The following USP35 variants were observed in gnomAD, a reference collection of about 807,000 sequenced individuals.
USP35 encodes ubiquitin specific peptidase 35.
Under a neutral mutation model 83.8 loss-of-function variants are expected in USP35, and 69 were observed. The observed-to-expected ratio is 0.82, with a 90% CI of 0.68 to 1.01. The LOEUF is 1.01. USP35 is among the 50% of genes least tolerant of loss of function. The pLI, the probability that USP35 is intolerant of heterozygous loss-of-function variation, is 0.00. For missense variants in USP35, 1,503 were observed against 1,362.5 expected, an observed-to-expected ratio of 1.10 and a Z score of -1.62; for synonymous variants, 714 against 589.5, an observed-to-expected ratio of 1.21 and a Z score of -3.06.
chr11:78,213,386 A>T (rs1863881690), intron 10 of USP35, among the ~76,000 whole-genome samples: 1 of 152,128 alleles, frequency 6.6e-6, no homozygotes, highest in Non-Finnish European at 1.5e-5. Flanking sequence ...TCTCGGTACC[A>T]CATTAGGCCC....
At chr11:78,225,512 G>A in the USP35 span, among the ~76,000 whole-genome samples, 1 of 152,156 alleles carries the variant, frequency 6.6e-6, no homozygotes. Flanking sequence ...TCACTTCTCT[G>A]AACACCACAG....
chr11:78,195,009 A>C (rs370362950), intron 1 of USP35, among the ~76,000 whole-genome samples: 3 of 152,074 alleles, frequency 2.0e-5, no homozygotes, highest in East Asian at 1.9e-4. Context: ...CTGCAGGGGG[A>C]GGGAAGAGCA....
the USP35 span, chr11:78,223,378 T>A: frequency 1.1e-5 from 16 of 1,485,976 alleles, no homozygotes; most frequent in African/African-American, 2.0e-4. Context: ...CTAGCCACTG[T>A]CCAGAGATGG....
chr11:78,197,869 G>A, intron 2 of USP35, 67 bp from the exon 3 acceptor site: 4 of 1,568,864 alleles, frequency 2.5e-6, no homozygotes, highest in Non-Finnish European at 3.5e-6. Flanking sequence ...CTCCTGCAGG[G>A]CATGGTGTGC....
the USP35 span, among the ~76,000 whole-genome samples, chr11:78,221,472 T>A: frequency 6.6e-6 from 1 of 152,138 alleles, no homozygotes; most frequent in Non-Finnish European, 1.5e-5. Flanking sequence ...TTGGGACAGG[T>A]CTCATGTCTT....
chr11:78,210,895 C>T (rs1863746547), intron 10 of USP35, 151 bp downstream of exon 10: 3 of 740,848 alleles, frequency 4.0e-6, no homozygotes, highest in African/African-American at 1.8e-5. Context: ...GTGGCCCAGA[C>T]AGACCTAACC....
intron 8 of USP35, among the ~76,000 whole-genome samples, chr11:78,207,929 T>G (rs1827098774): frequency 6.6e-6 from 1 of 152,190 alleles, no homozygotes; most frequent in South Asian, 2.1e-4. Flanking sequence ...TACTCGAGGC[T>G]TGGTGATTTA....
At position 78,207,347 on chromosome 11, in the gene USP35, G is replaced by T. The variant is rs565435294; in HGVS notation, c.1392-183G>T. On this transcript the variant is annotated intron_variant, in intron 7 of 10. Coordinates refer to ENST00000529308, the MANE Select transcript of USP35 (RefSeq NM_020798.4). ...GTCTATTGTTGTGTTCCTGACCTCA[G>T]ATACCCCAGGCTGAGTTGTTCACCT... 1.9e-4 allele frequency: 115 copies of T among 602,904 alleles called. No individual in the cohort carries two copies. The African/African-American group carries it at 2.0e-3, about 10-fold the overall frequency. The allele number at this position is 602,904 out of a possible 1,614,324, so 37.3% of individuals were successfully genotyped here.
downstream of USP35, among the ~76,000 whole-genome samples, chr11:78,220,054 C>T (rs1454443031): frequency 1.3e-5 from 2 of 152,172 alleles, no homozygotes; most frequent in Non-Finnish European, 2.9e-5. Context: ...GATCTCTGTG[C>T]ACTCATTTGC....
In USP35 at chr11:78,196,267, G is replaced by C. The variant is rs1388782763; in HGVS notation, c.22G>C (p.Val8Leu). 6.3e-7 allele frequency: 1 copy of C among 1,595,150 alleles called. No individual in the cohort carries two copies. Among genetic ancestry groups the C allele is most frequent in the Non-Finnish European group, 8.5e-7 (1 of 1,177,726 alleles). Reference sequence around the variant, plus strand: ...CGCCATGGACAAGATCTTGGAGGCGGTGGTGACGTCGTCATACCCGGTCAG... The same window carrying C: ...CGCCATGGACAAGATCTTGGAGGCGCTGGTGACGTCGTCATACCCGGTCAG... Reference protein sequence around the residue: MDKILEAVVTSSYPVSVK... With the variant: MDKILEALVTSSYPVSVK... Residue 8 changes from valine (V) to leucine (L), a missense_variant, in exon 2 of 11, where the codon GTG becomes CTG. By Grantham distance (32) the Val-to-Leu change is conservative. Coordinates refer to ENST00000529308, the MANE Select transcript of USP35 (RefSeq NM_020798.4). The surrounding 1 kb of genome is among the most constrained non-coding windows in gnomAD (Gnocchi z 4.8).
intron 6 of USP35, among the ~76,000 whole-genome samples, chr11:78,201,540 ATCT>A (rs1452098839): frequency 6.6e-6 from 1 of 152,206 alleles, no homozygotes; most frequent in Non-Finnish European, 1.5e-5. Context: ...GGAAGGAAAG[ATCT>A]TCTCCAGTTA....
rs1863967335 is a variant in USP35 at position 78,214,244 on chromosome 11, G to GGGGGGC, written c.*434_*435insGGCGGG. ...CCAAGCCTTGCACAAAGGGGTGGGGGGGGCAGTGTCTCCTCTGGCTGTCCT... is the reference window on the plus strand; with the variant it reads ...CCAAGCCTTGCACAAAGGGGTGGGGGGGGGGCGGGCAGTGTCTCCTCTGGCTGTCCT... On this transcript the variant is annotated 3_prime_UTR_variant, in exon 11 of 11. Transcript: ENST00000529308. 2.7e-5 allele frequency: 4 copies of GGGGGGC among 149,526 alleles called. No homozygotes were observed. Among genetic ancestry groups the GGGGGGC allele is most frequent in the African/African-American group, 1.0e-4 (4 of 39,200 alleles). The allele number at this position is 149,526 out of a possible 1,614,324, so 9.3% of individuals were successfully genotyped here.
At chr11:78,219,116 G>A (rs1009027607), downstream of USP35, 36 of 676,866 alleles carry the variant, frequency 5.3e-5, no homozygotes, top group Non-Finnish European at 7.8e-5. Context: ...CCTCCCAGGG[G>A]AAGGGTTCAG....
rs144804547 is a variant in USP35, at chr11:78,204,362, A to G, written c.1198-1480A>G. On this transcript the variant is annotated intron_variant, in intron 6 of 10. Coordinates refer to ENST00000529308, the MANE Select transcript of USP35 (RefSeq NM_020798.4). ...TCCTTTTGTACATATGCCTTTGTAA[A>G]TAAGTTCTGGAAAGTTCTCTGACTT... Among the ~76,000 whole-genome samples the G allele has an allele frequency of 3.1e-4, 47 of 152,350 alleles. No individual in the cohort carries two copies. In the East Asian group the frequency reaches 9.1e-3, roughly 29 times the overall value.
At chr11:78,215,423 C>G (rs1864071206), downstream of USP35, 1 of 152,572 alleles carries the variant, frequency 6.6e-6, no homozygotes, top group Middle Eastern at 3.4e-3. Context: ...CACTCCTGTC[C>G]CACCCACCGG....
intron 10 of USP35, among the ~76,000 whole-genome samples, chr11:78,211,010 C>T (rs1476497878): frequency 6.6e-5 from 10 of 152,124 alleles, no homozygotes; most frequent in Non-Finnish European, 1.5e-4. Flanking sequence ...AAACGTGTGC[C>T]ATGGTGGTTT....
rs1315734361 is a variant in USP35 at position 78,210,805 on chromosome 11, C to T, written c.2889+61C>T. The T allele has an allele frequency of 4.1e-6, 6 of 1,467,540 alleles. No homozygotes were observed. In the African/African-American group the frequency reaches 5.6e-5, roughly 14 times the overall value. 90.9% of individuals were successfully genotyped at this position (1,467,540 alleles called of 1,614,324 possible). On this transcript the variant is annotated intron_variant, in intron 10 of 10. Coordinates refer to ENST00000529308, the MANE Select transcript of USP35 (RefSeq NM_020798.4). ...TGGTGGAGGGAGTCCAGTCCCACTA[C>T]TGGCTTAGATAAGTCATTTCCCCTC... is the stretch of plus-strand genomic sequence containing the variant.
chr11:78,205,832 C>A lies in USP35; in HGVS notation c.1198-10C>A. 1 of 1,602,944 alleles carries A rather than the reference C, an allele frequency of 6.2e-7. No homozygotes were observed. Among genetic ancestry groups the A allele is most frequent in the Middle Eastern group, 1.7e-4 (1 of 5,962 alleles). On this transcript the variant is annotated splice_polypyrimidine_tract_variant and intron_variant, in intron 6 of 10. Coordinates refer to ENST00000529308, the MANE Select transcript of USP35 (RefSeq NM_020798.4). The stretch of plus-strand genomic sequence containing the variant: ...CCACCATCCTGCCTGCCTGCTTATT[C>A]CCTCCTCAGGACCTCCATGTTCCCA...
chr11:78,226,641 G>A, the USP35 span: 587 of 1,614,024 alleles, frequency 3.6e-4, 3 homozygotes, highest in East Asian at 0.012. Flanking sequence ...TGAGTCCCCA[G>A]GAGTGGCCAC....
Sources: allele counts gnomAD v4.1 joint callset (sites outside exome capture counted in the v4.1 genomes callset), GRCh38; gene constraint gnomAD v4.1.1; non-coding constraint Gnocchi (gnomAD v3.1); transcripts MANE v1.5; gene names NCBI Gene and HGNC (gene_info 2026-07-23, HGNC 2026-07-21).